Variants in GALNT14 observed in about 807,000 individuals in gnomAD.
GALNT14 encodes the protein polypeptide N-acetylgalactosaminyltransferase 14.
A neutral mutation model predicts 77.5 loss-of-function variants in GALNT14; 60 were observed. The observed-to-expected ratio is 0.77, with a 90% CI of 0.63 to 0.96. The LOEUF is 0.96. Ranked by LOEUF, GALNT14 falls within the 40% of genes least tolerant of loss-of-function variation. The pLI is 0.00. For missense variants in GALNT14, 710 were observed against 731.0 expected (o/e 0.97, Z 0.33); for synonymous variants, 280 against 281.7 (o/e 0.99, Z 0.06).
At chr2:31,136,062 ACAGGGAG>A (rs1679216202) in intron 1 of GALNT14, among the ~76,000 whole-genome samples, 1 of 152,180 alleles carries the variant, frequency 6.6e-6, no homozygotes, top group South Asian at 2.1e-4. Context: ...TAACTACATC[ACAGGGAG>A]CAGAACCACC....
intron 1 of GALNT14, among the ~76,000 whole-genome samples, chr2:31,026,116 A>G (rs1437645116): frequency 6.6e-6 from 1 of 152,214 alleles, no homozygotes; most frequent in African/African-American, 2.4e-5. Flanking sequence ...GTCCTCAGAC[A>G]TGCCGAGTCC....
At chr2:30,953,107 C>T (rs2148310161) in intron 6 of GALNT14, among the ~76,000 whole-genome samples, 1 of 152,256 alleles carries the variant, frequency 6.6e-6, no homozygotes, top group African/African-American at 2.4e-5. Flanking sequence ...GTTTAACATA[C>T]TCCGGTTTCC....
intron 1 of GALNT14, among the ~76,000 whole-genome samples, chr2:31,074,050 G>C (rs116353664): frequency 6.6e-6 from 1 of 152,314 alleles, no homozygotes; most frequent in East Asian, 1.9e-4. Flanking sequence ...AGCTGCCTGT[G>C]AGTTGAGGAG....
At chr2:31,132,149 C>T (rs771200121) in intron 1 of GALNT14, among the ~76,000 whole-genome samples, 6 of 152,120 alleles carry the variant, frequency 3.9e-5, no homozygotes, top group Non-Finnish European at 7.3e-5. Context: ...TGAAAGGAAG[C>T]TGGGACACAG....
chr2:30,905,673 A>T (rs1291078845), downstream of GALNT14, among the ~76,000 whole-genome samples: 7 of 151,164 alleles, frequency 4.6e-5, no homozygotes, highest in Non-Finnish European at 1.0e-4. Flanking sequence ...CCAATCTAGC[A>T]AGGCAGGCCA....
chr2:30,924,096 G>C (rs769818968), intron 13 of GALNT14, 23 bp downstream of exon 13: 1 of 1,613,990 alleles, frequency 6.2e-7, no homozygotes, highest in Non-Finnish European at 8.5e-7. Context: ...ACATGGTCCT[G>C]TATGCCCAGC....
At chr2:31,110,094 C>T (rs1485322414) in intron 1 of GALNT14, among the ~76,000 whole-genome samples, 1 of 152,118 alleles carries the variant, frequency 6.6e-6, no homozygotes, top group Non-Finnish European at 1.5e-5. Context: ...CCATTCTTTC[C>T]TTGTCTTTGA....
chr2:31,063,991 T>G (rs182145481), intron 1 of GALNT14, among the ~76,000 whole-genome samples: 2 of 152,342 alleles, frequency 1.3e-5, no homozygotes, highest in African/African-American at 4.8e-5. Flanking sequence ...GACTTCCAAA[T>G]AAGGATTTGA....
chr2:31,015,694 G>A (rs115381467), intron 1 of GALNT14, among the ~76,000 whole-genome samples: 230 of 152,254 alleles, frequency 1.5e-3, no homozygotes, highest in African/African-American at 5.3e-3. Flanking sequence ...TCAACACCAC[G>A]TCTGTAGTAT....
At chr2:30,984,928 C>T (rs555783822) in intron 2 of GALNT14, among the ~76,000 whole-genome samples, 1 of 152,238 alleles carries the variant, frequency 6.6e-6, no homozygotes, top group East Asian at 1.9e-4. Flanking sequence ...TGCCTGAACA[C>T]TGAGGGCAGG....
intron 13 of GALNT14, among the ~76,000 whole-genome samples, chr2:30,913,459 C>T (rs559570637): frequency 3.9e-4 from 59 of 152,282 alleles, no homozygotes; most frequent in Admixed American, 3.7e-3. Flanking sequence ...CCCAGGCAGA[C>T]ATGGTGGTCA....
At chr2:30,944,679 GCAAGAAGTCCC>G (rs1314657949) in intron 8 of GALNT14, among the ~76,000 whole-genome samples, 168 bp downstream of exon 8, 1 of 152,056 alleles carries the variant, frequency 6.6e-6, no homozygotes, top group Non-Finnish European at 1.5e-5. Flanking sequence ...CATCCCCTTA[GCAAGAAGTCCC>G]CAAGAGGATA....
chr2:30,925,779 G>A (rs1665334039), intron 11 of GALNT14, among the ~76,000 whole-genome samples: 1 of 152,204 alleles, frequency 6.6e-6, no homozygotes, highest in Non-Finnish European at 1.5e-5. Context: ...GAAACTGATG[G>A]GTTCTAAGCA....
At chr2:31,044,244 C>T (rs1354110318) in intron 1 of GALNT14, among the ~76,000 whole-genome samples, 1 of 152,156 alleles carries the variant, frequency 6.6e-6, no homozygotes, top group African/African-American at 2.4e-5. Context: ...AAATAATACA[C>T]CACTCATCTC....
At chr2:30,922,583 C>T (rs1255811577) in intron 13 of GALNT14, among the ~76,000 whole-genome samples, 1 of 152,228 alleles carries the variant, frequency 6.6e-6, no homozygotes, top group Non-Finnish European at 1.5e-5. Context: ...CCTTTCTTCC[C>T]TTCCCAACTT....
chr2:31,056,986 G>A (rs1485144054), intron 1 of GALNT14, among the ~76,000 whole-genome samples: 4 of 152,088 alleles, frequency 2.6e-5, no homozygotes, highest in Admixed American at 1.3e-4. Flanking sequence ...GCAGCCACAT[G>A]GGTGCAGCTG....
chr2:30,987,703 TCCTCCCTCCCCC>T (rs1337815990), intron 2 of GALNT14, among the ~76,000 whole-genome samples: 1 of 78,524 alleles, frequency 1.3e-5, no homozygotes, highest in African/African-American at 7.1e-5. Flanking sequence ...ACAGCCTTCC[TCCTCCCTCCCCC>T]TCCTCCCCCT....
At chr2:31,135,593 G>T (rs956518089) in intron 1 of GALNT14, among the ~76,000 whole-genome samples, 3 of 152,092 alleles carry the variant, frequency 2.0e-5, no homozygotes, top group African/African-American at 7.2e-5. Context: ...GGTTCTAGAA[G>T]GATACAGAAA....
intron 1 of GALNT14, among the ~76,000 whole-genome samples, chr2:31,000,921 C>T (rs978867289): frequency 1.3e-5 from 2 of 152,162 alleles, no homozygotes; most frequent in Non-Finnish European, 2.9e-5. Flanking sequence ...TTCTAACCCC[C>T]ACAAACTTAA....
Sources: gnomAD v4.1 joint callset for allele counts (sites outside exome capture counted in the v4.1 genomes callset) on GRCh38, gnomAD v4.1.1 for gene constraint, MANE v1.5 for transcripts, NCBI Gene and HGNC (gene_info 2026-07-23, HGNC 2026-07-21) for gene names.